LOXL4: variants seen among roughly 807,000 people sequenced by gnomAD.
LOXL4 encodes the protein lysyl oxidase homolog 4.
LOXL4 carries 72 observed loss-of-function variants against 89.1 expected under a neutral mutation model. That is an observed-to-expected ratio of 0.81 (90% CI 0.67 to 0.98). LOXL4 has a LOEUF of 0.98. Ranked by LOEUF, LOXL4 falls within the 50% of genes least tolerant of loss-of-function variation. The pLI is 0.00. For missense variants in LOXL4, 984 were observed against 1,017.5 expected (o/e 0.97, Z 0.45); for synonymous variants, 355 against 392.1 (o/e 0.91, Z 1.12).
In LOXL4 at chr10:98,253,698, A is replaced by C; in HGVS notation, c.1690T>G (p.Cys564Gly). 1.2e-6 allele frequency: 2 copies of C among 1,614,260 alleles called. No individual in the cohort carries two copies. Among genetic ancestry groups the C allele is most frequent in the Middle Eastern group, 1.6e-4 (1 of 6,062 alleles). Residue 564 changes from cysteine (C) to glycine (G), a missense_variant, in exon 11 of 15, where the codon TGC (cysteine) becomes GGC (glycine). By Grantham distance (159) the Cys-to-Gly change is radical. Coordinates refer to ENST00000260702, the MANE Select transcript of LOXL4 (RefSeq NM_032211.7). ...ATGTGATCCGCAGACTTGGAGAGGC[A>C]GTTCTCCTCGTGGGCACAATACAGC... is the stretch of plus-strand genomic sequence containing the variant. The part of the protein sequence containing the change: ...SQLYCAHEEN[C>G]LSKSADHMDW...
At position 98,256,863 on chromosome 10, in the gene LOXL4, C is replaced by T. The variant is rs757386037; in HGVS notation, c.1345G>A (p.Val449Met). Residue 449 changes from valine to methionine, a missense_variant, in exon 9 of 15, where the codon GTG (valine) becomes ATG (methionine). Coordinates refer to ENST00000260702, the MANE Select transcript of LOXL4 (RefSeq NM_032211.7). ...GTGAGCCCCCAGTTTTCACTGCACACGCTCCCCCAGCGTGGGACCCCGTTC... is the reference window on the plus strand; with the variant it reads ...GTGAGCCCCCAGTTTTCACTGCACATGCTCCCCCAGCGTGGGACCCCGTTC... ...EVNGVPRWGSVCSENWGLTEA... is the reference protein window; with the variant it reads ...EVNGVPRWGSMCSENWGLTEA... The T allele has an allele frequency of 4.4e-5, 71 of 1,614,056 alleles. No homozygotes were observed. The highest frequency in any genetic ancestry group is 4.2e-4 in the South Asian group (38 of 91,088).
At chr10:98,260,276 G>T (rs977779308) in intron 4 of LOXL4, among the ~76,000 whole-genome samples, 2 of 152,176 alleles carry the variant, frequency 1.3e-5, no homozygotes, top group Non-Finnish European at 2.9e-5. Flanking sequence ...GGAGGGAAGC[G>T]TTGGGATATT....
intron 2 of LOXL4, 77 bp downstream of exon 2, chr10:98,262,666 G>A (rs1858578010): frequency 6.5e-7 from 1 of 1,529,468 alleles, no homozygotes; most frequent in African/African-American, 1.4e-5. Context: ...TAAAGGATGG[G>A]TGGGTGTCAG....
At chr10:98,252,242 T>A in intron 12 of LOXL4, 111 bp downstream of exon 12, 2 of 748,480 alleles carry the variant, frequency 2.7e-6, no homozygotes, top group South Asian at 1.8e-5. Context: ...CAAGCCAGGG[T>A]CTCCAGGTGC....
Position 98,248,972 on chromosome 10 carries a change from A to G in LOXL4, c.2220T>C (p.Asn740=), listed in dbSNP as rs1564754113. 9 of 1,613,928 alleles carry G rather than the reference A, an allele frequency of 5.6e-6. No individual in the cohort carries two copies. Among genetic ancestry groups the G allele is most frequent in the Non-Finnish European group, 7.6e-6 (9 of 1,179,958 alleles). Residue 740 remains asparagine (N), a synonymous_variant, in exon 15 of 15, where the codon AAT becomes AAC. Transcript: ENST00000260702. ...GTTCCTGCTCCAGGGAGAGTTCTGC[A>G]TTGGCTGGGTATGAATTCCCTGTGG... ...NCHTGNSYPA[N]AELSLEQEQR...
chr10:98,263,131 C>A, intron 1 of LOXL4, 80 bp from the exon 2 acceptor site: 2 of 1,199,260 alleles, frequency 1.7e-6, no homozygotes, highest in Non-Finnish European at 2.3e-6. Context: ...CAGCTCCTGG[C>A]AAGACAAAGG....
intron 9 of LOXL4, 48 bp downstream of exon 9, chr10:98,256,732 G>A (rs1858376949): frequency 2.5e-6 from 4 of 1,610,156 alleles, no homozygotes; most frequent in Non-Finnish European, 3.4e-6. Flanking sequence ...TTGGGCCTCA[G>A]AACAGGAGGG....
Position 98,253,764 on chromosome 10 carries a change from C to A in LOXL4, c.1624G>T (p.Val542Leu). 1 of 1,614,168 alleles carries A rather than the reference C, an allele frequency of 6.2e-7. No homozygotes were observed. Among genetic ancestry groups the A allele is most frequent in the South Asian group, 1.1e-5 (1 of 91,082 alleles). ...TCCTCCAAGTAGGCCGTCTCCTGCA[C>A]TAGCTGGGCGTTCATCACCAGGTCT... ...APDLVMNAQL[V>L]QETAYLEDRP... Residue 542 changes from valine to leucine, a missense_variant, in exon 11 of 15, where the codon GTG (valine) becomes TTG (leucine). Coordinates refer to ENST00000260702, the MANE Select transcript of LOXL4 (RefSeq NM_032211.7).
rs771618774 is a variant in LOXL4 at position 98,262,239 on chromosome 10, G to T, written c.278-26C>A. 1.9e-6 allele frequency: 3 copies of T among 1,611,422 alleles called. No homozygotes were observed. The South Asian group carries it at 3.3e-5, about 18-fold the overall frequency. On this transcript the variant is annotated intron_variant, in intron 2 of 14. Coordinates refer to ENST00000260702, the MANE Select transcript of LOXL4 (RefSeq NM_032211.7). ...CTGTGGAGTGGAGGTGATGCTCAAA[G>T]ATGGCACAGAGAGGCAGGTCACAGG...
intron 1 of LOXL4, among the ~76,000 whole-genome samples, chr10:98,264,590 C>T (rs925705618): frequency 2.6e-5 from 4 of 151,860 alleles, no homozygotes; most frequent in Non-Finnish European, 4.4e-5. Flanking sequence ...TGTAATCAGA[C>T]GTTCTTTGGG....
intron 3 of LOXL4, 140 bp from the exon 4 acceptor site, chr10:98,261,267 A>T (rs1004447229): frequency 7.0e-5 from 58 of 832,594 alleles, no homozygotes; most frequent in Non-Finnish European, 9.0e-5. Flanking sequence ...ACAGGCCAGG[A>T]AACTGAGGCC....
chr10:98,250,180 CTCTT>C (rs1379429659), intron 14 of LOXL4, among the ~76,000 whole-genome samples: 1 of 152,184 alleles, frequency 6.6e-6, no homozygotes, highest in African/African-American at 2.4e-5. Context: ...CAGTCCTGTG[CTCTT>C]TCTCTACTCC....
chr10:98,257,473 C>CT (rs1171763148), intron 8 of LOXL4, among the ~76,000 whole-genome samples, 177 bp downstream of exon 8: 1 of 152,194 alleles, frequency 6.6e-6, no homozygotes, highest in Non-Finnish European at 1.5e-5. Flanking sequence ...CCTGTGGCCT[C>CT]TGACATTTCG....
Position 98,253,538 on chromosome 10 carries a change from T to C in LOXL4, c.1835+15A>G. ...TTCCTAACCCTCTAGTGCCAATGCA[T>C]GGGCAGGCTCTAACCTGTGGCACTG... On this transcript the variant is annotated intron_variant, in intron 11 of 14. Transcript: ENST00000260702. The C allele has an allele frequency of 1.2e-6, 2 of 1,614,224 alleles. No individual in the cohort carries two copies. The highest frequency in any genetic ancestry group is 8.5e-7 in the Non-Finnish European group (1 of 1,180,036).
At chr10:98,253,858 C>T in intron 10 of LOXL4, 62 bp from the exon 11 acceptor site, 3 of 1,602,434 alleles carry the variant, frequency 1.9e-6, no homozygotes, top group Non-Finnish European at 2.6e-6. Context: ...TCTTAGTCTC[C>T]AGCACAGAGG....
At chr10:98,256,177 CTA>C (rs1858357494) in intron 9 of LOXL4, 1 of 177,750 alleles carries the variant, frequency 5.6e-6, no homozygotes, top group African/African-American at 2.4e-5. Context: ...GCGGTCATGC[CTA>C]AGTCCTCTTG....
rs1192379909 is a variant in LOXL4 at position 98,251,629 on chromosome 10, C to T, written c.2025G>A (p.Arg675=). ...GVTVGCWDTY[R]HDIDCQWVDI... The stretch of plus-strand genomic sequence containing the variant: ...CCACCCACTGGCAATCAATGTCATG[C>T]CGGTAGGTGTCCCAGCAGCCTACAG... The change falls in exon 13 of 15, where the codon CGG becomes CGA. Residue 675 remains arginine (R), a synonymous_variant. Transcript: ENST00000260702. 6.2e-7 allele frequency: 1 copy of T among 1,614,248 alleles called. No homozygotes were observed.
In LOXL4 at chr10:98,251,437, C is replaced by T. The variant is rs374538669; in HGVS notation, c.2088+129G>A. The T allele has an allele frequency of 4.7e-5, 60 of 1,289,952 alleles. 1 individual carries two copies. In the East Asian group the frequency reaches 7.0e-4, roughly 15 times the overall value. The allele number at this position is 1,289,952 out of a possible 1,614,324, so 79.9% of individuals were successfully genotyped here. On this transcript the variant is annotated intron_variant, in intron 13 of 14. Transcript: ENST00000260702. ...CTTGACTGTTACTTCCCTAACAGGACAGCTCCTTTAAGTGACAGGCCTGTC... is the reference window on the plus strand; with the variant it reads ...CTTGACTGTTACTTCCCTAACAGGATAGCTCCTTTAAGTGACAGGCCTGTC...
rs1590876989 is a variant in LOXL4 at position 98,253,700 on chromosome 10, T to A, written c.1688A>T (p.Asn563Ile). The change falls in exon 11 of 15, where the codon AAC becomes ATC. Residue 563 changes from asparagine to isoleucine, a missense_variant. Physicochemically the swap from Asn to Ile is moderately radical, Grantham distance 149. Coordinates refer to ENST00000260702, the MANE Select transcript of LOXL4 (RefSeq NM_032211.7). ...LSQLYCAHEE[N>I]CLSKSADHMD... Reference sequence around the variant, plus strand: ...GTGATCCGCAGACTTGGAGAGGCAGTTCTCCTCGTGGGCACAATACAGCTG... The same window carrying A: ...GTGATCCGCAGACTTGGAGAGGCAGATCTCCTCGTGGGCACAATACAGCTG... The A allele has an allele frequency of 6.2e-7, 1 of 1,614,074 alleles. No homozygotes were observed. Among genetic ancestry groups the A allele is most frequent in the Admixed American group, 1.7e-5 (1 of 60,004 alleles).
Sources: allele counts gnomAD v4.1 joint callset (sites outside exome capture counted in the v4.1 genomes callset), GRCh38; gene constraint gnomAD v4.1.1; transcripts MANE v1.5; gene names NCBI Gene and HGNC (gene_info 2026-07-23, HGNC 2026-07-21).